EP400: variants seen among roughly 807,000 people sequenced by gnomAD.
The protein encoded by EP400 is E1A-binding protein p400.
A neutral mutation model predicts 354.1 loss-of-function variants in EP400; 105 were observed. The ratio of observed to expected loss-of-function variants is 0.30; its 90% CI spans 0.25 to 0.35. The LOEUF is 0.35. Ranked by LOEUF, EP400 falls within the 10% of genes least tolerant of loss-of-function variation. The pLI, the probability that EP400 is intolerant of heterozygous loss-of-function variation, is 1.00. For missense variants in EP400, 3,280 were observed against 4,121.0 expected (o/e 0.80, Z 5.59); for synonymous variants, 1,646 against 1,716.9 (o/e 0.96, Z 1.02).
In EP400 at chr12:132,044,253, G is replaced by C. The variant is rs757423118; in HGVS notation, c.6527G>C (p.Arg2176Pro). Residue 2176 changes from arginine (R) to proline (P), a missense_variant, in exon 35 of 53, where the codon CGG becomes CCG. Coordinates refer to ENST00000389561, the MANE Select transcript of EP400 (RefSeq NM_015409.5). Reference protein sequence around the residue: ...KTLQEREARLRLEQEEAELLT... With the variant: ...KTLQEREARLPLEQEEAELLT... ...CTGCAGGAGAGGGAGGCCCGGCTGC[G>C]GCTGGAGCAGGAGGAGGCGGAGCTC... 1 of 1,614,046 alleles carries C rather than the reference G, an allele frequency of 6.2e-7. No homozygotes were observed. The highest frequency in any genetic ancestry group is 8.5e-7 in the Non-Finnish European group (1 of 1,180,058).
chr12:132,064,922 C>T, intron 48 of EP400, 36 bp downstream of exon 48: 1 of 1,562,850 alleles, frequency 6.4e-7, no homozygotes, highest in Non-Finnish European at 8.7e-7. Flanking sequence ...CCAAAAGCAG[C>T]ATCTTTTTAT....
At chr12:131,972,165 T>C (rs182725911) in intron 2 of EP400, among the ~76,000 whole-genome samples, 24 of 147,898 alleles carry the variant, frequency 1.6e-4, no homozygotes, top group African/African-American at 6.1e-4. Flanking sequence ...TTTCTTTTTT[T>C]TTTTTTAAAC....
chr12:132,018,320 C>G lies in EP400; in HGVS notation c.4221C>G (p.Ile1407Met), dbSNP rs766535215. The G allele has an allele frequency of 6.2e-7, 1 of 1,613,478 alleles. No homozygotes were observed. The highest frequency in any genetic ancestry group is 1.1e-5 in the South Asian group (1 of 90,958). Residue 1407 changes from isoleucine (I) to methionine (M), a missense_variant, in exon 21 of 53, where the codon ATC becomes ATG. Around this residue, in one of 20 missense-constraint regions of EP400, gnomAD observed 342 missense variants for 342.7 expected, o/e 1.00. Coordinates refer to ENST00000389561, the MANE Select transcript of EP400 (RefSeq NM_015409.5). The surrounding 1 kb of genome is among the most constrained non-coding windows in gnomAD (Gnocchi z 4.0). ...TACCGCGGAAACTCATGGAGGAAAT[C>G]TCCACTTCAGCAGCCCCAGCAGCCC... ...KKIPRKLMEE[I>M]STSAAPAARP...
At chr12:132,072,150 C>T (rs925754964) in intron 51 of EP400, among the ~76,000 whole-genome samples, 1 of 152,150 alleles carries the variant, frequency 6.6e-6, no homozygotes, top group Non-Finnish European at 1.5e-5. Flanking sequence ...TTCTGAGACG[C>T]GCTCCTGCTT....
At position 132,013,851 on chromosome 12, in the gene EP400, T is replaced by C; in HGVS notation, c.3861T>C (p.Val1287=). 3 of 1,614,246 alleles carry C rather than the reference T, an allele frequency of 1.9e-6. No homozygotes were observed. The highest frequency in any genetic ancestry group is 2.5e-6 in the Non-Finnish European group (3 of 1,180,042). The part of the protein sequence containing the change: ...EKQLTKKYEH[V]LKCRLSNRQK... ...AACTAACAAAGAAATATGAGCATGTTTTGAAGTGTCGCCTTTCTAACCGAC... is the reference window on the plus strand; with the variant it reads ...AACTAACAAAGAAATATGAGCATGTCTTGAAGTGTCGCCTTTCTAACCGAC... The change falls in exon 19 of 53, where the codon GTT becomes GTC. Residue 1287 remains valine, a synonymous_variant. Coordinates refer to ENST00000389561, the MANE Select transcript of EP400 (RefSeq NM_015409.5). The surrounding 1 kb of genome is among the most constrained non-coding windows in gnomAD (Gnocchi z 4.5).
chr12:131,989,846 A>T (rs1566175545), intron 7 of EP400, 118 bp from the exon 8 acceptor site: 59 of 1,157,504 alleles, frequency 5.1e-5, no homozygotes, highest in Non-Finnish European at 7.2e-5. Flanking sequence ...ACGAGGATGT[A>T]TATGACAGTG....
intron 32 of EP400, among the ~76,000 whole-genome samples, chr12:132,042,047 G>A (rs1225080896): frequency 6.6e-6 from 1 of 151,196 alleles, no homozygotes; most frequent in African/African-American, 2.4e-5. Flanking sequence ...CACCTCCCAG[G>A]TCAAAGTGAT....
chr12:132,001,339 A>G (rs532878555), intron 12 of EP400, among the ~76,000 whole-genome samples: 2 of 152,340 alleles, frequency 1.3e-5, no homozygotes, highest in East Asian at 1.9e-4. Context: ...CCTGCCTGGC[A>G]GCCGAGGCAG....
In EP400 at chr12:131,987,947, G is replaced by T. The variant is rs996233037; in HGVS notation, c.2409+57G>T. The T allele has an allele frequency of 1.3e-5, 18 of 1,412,550 alleles. No individual in the cohort carries two copies. The African/African-American group carries it at 2.5e-4, about 19-fold the overall frequency. 87.5% of individuals were successfully genotyped at this position (1,412,550 alleles called of 1,614,324 possible). On this transcript the variant is annotated intron_variant, in intron 7 of 52. Transcript: ENST00000389561. ...TGTGCGTTGGTGGGGGCTTGAGTTT[G>T]CAGTGGTGTAAGTGGTGGGGAGGTC... is the stretch of plus-strand genomic sequence containing the variant.
At chr12:132,065,699 G>A (rs541811860) in intron 48 of EP400, 4 of 152,394 alleles carry the variant, frequency 2.6e-5, no homozygotes, top group East Asian at 1.9e-4. Flanking sequence ...CCCCCACTTT[G>A]GGTCTTCCCT....
chr12:132,006,334 G>T (rs774564089), intron 14 of EP400, 32 bp downstream of exon 14: 3 of 1,605,594 alleles, frequency 1.9e-6, no homozygotes, highest in Non-Finnish European at 2.6e-6. Flanking sequence ...TGTGGGATGG[G>T]CCTTTGAGAG....
chr12:132,053,549 A>G lies in EP400; in HGVS notation c.7680A>G (p.Pro2560=). The G allele has an allele frequency of 2.6e-6, 4 of 1,559,084 alleles. No individual in the cohort carries two copies. The highest frequency in any genetic ancestry group is 3.5e-6 in the Non-Finnish European group (4 of 1,158,858). The change falls in exon 43 of 53, where the codon CCA becomes CCG. Residue 2560 remains proline (P), a synonymous_variant. Transcript: ENST00000389561. ...PQTQPQPVQA[P]AKAQPAITTG... is the part of the protein sequence containing the mutation. ...CCCAGCCACAGCCTGTGCAGGCCCCAGCGAAGGCGCAGCCCGCAATCACGA... is the reference window on the plus strand; with the variant it reads ...CCCAGCCACAGCCTGTGCAGGCCCCGGCGAAGGCGCAGCCCGCAATCACGA...
intron 2 of EP400, among the ~76,000 whole-genome samples, chr12:131,967,038 C>T (rs1892121448): frequency 6.6e-6 from 1 of 151,838 alleles, no homozygotes; most frequent in Non-Finnish European, 1.5e-5. Context: ...CATGCCAGTG[C>T]ACTCCATCCT....
intron 2 of EP400, among the ~76,000 whole-genome samples, chr12:131,969,529 C>T (rs1281414963): frequency 1.3e-5 from 2 of 152,078 alleles, no homozygotes; most frequent in African/African-American, 4.8e-5. Flanking sequence ...CCAATTGGAG[C>T]CTCTTCAAGC....
At chr12:131,999,945 T>G (rs1245995498) in intron 12 of EP400, among the ~76,000 whole-genome samples, 1 of 152,044 alleles carries the variant, frequency 6.6e-6, no homozygotes, top group Non-Finnish European at 1.5e-5. Context: ...TTATGCCTGT[T>G]TTCTTGATAG....
chr12:132,021,814 G>T (rs1239610632), intron 23 of EP400, among the ~76,000 whole-genome samples: 1 of 152,194 alleles, frequency 6.6e-6, no homozygotes, highest in African/African-American at 2.4e-5. Flanking sequence ...GCTCAACCAA[G>T]ATAACTTGTA....
intron 30 of EP400, among the ~76,000 whole-genome samples, chr12:132,033,874 C>T (rs1894606923): frequency 6.6e-6 from 1 of 152,124 alleles, no homozygotes. Flanking sequence ...CATAGTAATT[C>T]AAATGCTGTA....
chr12:132,051,515 A>T (rs1895287756), intron 41 of EP400, among the ~76,000 whole-genome samples: 1 of 152,210 alleles, frequency 6.6e-6, no homozygotes, highest in Admixed American at 6.5e-5. Context: ...TCACATGGCC[A>T]CTGGACAGGG....
chr12:131,964,193 C>T (rs766676468), intron 2 of EP400, among the ~76,000 whole-genome samples: 34 of 152,098 alleles, frequency 2.2e-4, no homozygotes, highest in Non-Finnish European at 4.4e-4. Context: ...TTTAAAAACA[C>T]AGGTCACTCA....
Sources: allele counts gnomAD v4.1 joint callset (sites outside exome capture counted in the v4.1 genomes callset), GRCh38; gene constraint gnomAD v4.1.1; regional missense constraint gnomAD v4.1.1; non-coding constraint Gnocchi (gnomAD v3.1); transcripts MANE v1.5; gene names NCBI Gene and HGNC (gene_info 2026-07-23, HGNC 2026-07-21).